DNAH14: variants seen among roughly 807,000 people sequenced by gnomAD.
DNAH14 encodes dynein axonemal heavy chain 14.
A neutral mutation model predicts 520.9 loss-of-function variants in DNAH14; 478 were observed. The observed-to-expected ratio is 0.92, with a 90% CI of 0.85 to 0.99. The LOEUF (loss-of-function observed/expected upper bound fraction) is 0.99, where lower values mean the gene tolerates loss of function less well. Ranked by LOEUF, DNAH14 falls within the 50% of genes least tolerant of loss-of-function variation. The pLI is 0.00. For synonymous variants in DNAH14, 1,581 were observed against 1,757.2 expected, an observed-to-expected ratio of 0.90 and a Z score of 2.51; for missense variants, 4,831 against 5,234.5, an observed-to-expected ratio of 0.92 and a Z score of 2.38.
At chr1:225,393,930 T>G (rs989355010) in intron 84 of DNAH14, among the ~76,000 whole-genome samples, 1 of 151,740 alleles carries the variant, frequency 6.6e-6, no homozygotes, top group Non-Finnish European at 1.5e-5. Flanking sequence ...ACCATTCTCC[T>G]GCCTCAGCCT....
rs549817886 is a variant in DNAH14 at position 224,959,522 on chromosome 1, A to G, written c.218-631A>G. Reference sequence around the variant, plus strand: ...CTTGCACTACAGAAATATTTGTTCAATGAATGAGAACAAGAAAATGTATTT... The same window carrying G: ...CTTGCACTACAGAAATATTTGTTCAGTGAATGAGAACAAGAAAATGTATTT... On this transcript the variant is annotated intron_variant, in intron 3 of 85. Coordinates refer to ENST00000682510, the MANE Select transcript of DNAH14 (RefSeq NM_001367479.1). Among the ~76,000 whole-genome samples, 67 of 152,306 alleles carry G rather than the reference A, an allele frequency of 4.4e-4. 2 individuals carry two copies. The highest frequency in any genetic ancestry group is 6.8e-3 in the Middle Eastern group (2 of 294).
At chr1:225,159,808 C>T (rs2081362850) in intron 35 of DNAH14, among the ~76,000 whole-genome samples, 1 of 152,096 alleles carries the variant, frequency 6.6e-6, no homozygotes, top group African/African-American at 2.4e-5. Context: ...CCTAGAGAAT[C>T]AAATTAGATC....
chr1:225,243,455 A>G (rs900324626), intron 43 of DNAH14, among the ~76,000 whole-genome samples: 1 of 152,000 alleles, frequency 6.6e-6, no homozygotes, highest in African/African-American at 2.4e-5. Flanking sequence ...AGAAAACCTA[A>G]TCTGTTAAGG....
At chr1:224,930,698 C>G (rs1558426285) in intron 1 of DNAH14, among the ~76,000 whole-genome samples, 1 of 152,048 alleles carries the variant, frequency 6.6e-6, no homozygotes, top group Non-Finnish European at 1.5e-5. Flanking sequence ...CCCGGGTTCA[C>G]GCCATTCTCC....
At chr1:225,090,249 CT>C (rs2074260838) in intron 21 of DNAH14, among the ~76,000 whole-genome samples, 1 of 151,988 alleles carries the variant, frequency 6.6e-6, no homozygotes, top group African/African-American at 2.4e-5. Context: ...AGAAAGAAGA[CT>C]TAAAAAATGG....
At chr1:225,161,243 G>A (rs1025506187) in intron 35 of DNAH14, among the ~76,000 whole-genome samples, 1 of 152,064 alleles carries the variant, frequency 6.6e-6, no homozygotes, top group African/African-American at 2.4e-5. Context: ...TTTATGTTTA[G>A]GTTGCACAGA....
chr1:225,095,348 G>A (rs1240138504), intron 21 of DNAH14, among the ~76,000 whole-genome samples: 2 of 152,160 alleles, frequency 1.3e-5, no homozygotes, highest in Non-Finnish European at 2.9e-5. Context: ...GTTCTTTGTA[G>A]CATCTTGGAT....
intron 1 of DNAH14, among the ~76,000 whole-genome samples, chr1:224,931,250 A>G (rs1055219631): frequency 2.6e-5 from 4 of 152,216 alleles, no homozygotes; most frequent in African/African-American, 9.6e-5. Flanking sequence ...ACAGCTGTAC[A>G]ATGTGTGTTT....
intron 10 of DNAH14, among the ~76,000 whole-genome samples, chr1:225,010,897 T>C (rs571344409): frequency 3.4e-4 from 52 of 152,310 alleles, no homozygotes; most frequent in Admixed American, 8.5e-4. Context: ...GTATTTATAG[T>C]ATTCTCTGAT....
Position 225,300,914 on chromosome 1 carries a change from A to G in DNAH14, c.8515A>G (p.Ile2839Val). 1 of 1,551,378 alleles carries G rather than the reference A, an allele frequency of 6.4e-7. No individual in the cohort carries two copies. The highest frequency in any genetic ancestry group is 8.7e-7 in the Non-Finnish European group (1 of 1,146,864). The change falls in exon 56 of 86, where the codon ATA becomes GTA. Residue 2839 changes from isoleucine to valine, a missense_variant. Ile to Val is a conservative substitution (Grantham distance 29, BLOSUM62 3). Coordinates refer to ENST00000682510, the MANE Select transcript of DNAH14 (RefSeq NM_001367479.1). Reference sequence around the variant, plus strand: ...GAACTACATCATCAGTTCAGGAAGAATACCTGACCTGTTTGAAAATGTTGA... The same window carrying G: ...GAACTACATCATCAGTTCAGGAAGAGTACCTGACCTGTTTGAAAATGTTGA... Reference protein sequence around the residue: ...DLNYIISSGRIPDLFENVELD... With the variant: ...DLNYIISSGRVPDLFENVELD...
intron 26 of DNAH14, among the ~76,000 whole-genome samples, chr1:225,121,686 CA>C (rs2077301499): frequency 6.6e-6 from 1 of 151,842 alleles, no homozygotes; most frequent in Admixed American, 6.6e-5. Flanking sequence ...ACTAAAAATA[CA>C]AAATTTAGCC....
chr1:225,129,804 C>T (rs1236730187), intron 27 of DNAH14, among the ~76,000 whole-genome samples: 2 of 152,000 alleles, frequency 1.3e-5, no homozygotes, highest in Non-Finnish European at 2.9e-5. Context: ...CAACCAAAGC[C>T]AAAATTGACA....
At chr1:225,214,296 T>G (rs2088935202) in intron 41 of DNAH14, among the ~76,000 whole-genome samples, 1 of 152,244 alleles carries the variant, frequency 6.6e-6, no homozygotes, top group Non-Finnish European at 1.5e-5. Flanking sequence ...GATGTGCTGC[T>G]GGATTCGGTT....
intron 81 of DNAH14, among the ~76,000 whole-genome samples, chr1:225,386,431 G>T (rs1305142034): frequency 1.3e-5 from 2 of 152,200 alleles, no homozygotes; most frequent in African/African-American, 2.4e-5. Context: ...ACTACCATCA[G>T]ATTGAACAGG....
chr1:225,323,751 T>C (rs1462335523), intron 62 of DNAH14, among the ~76,000 whole-genome samples: 2 of 151,854 alleles, frequency 1.3e-5, no homozygotes, highest in Non-Finnish European at 1.5e-5. Context: ...GGGAGCCACC[T>C]TGCCCAGCCA....
At chr1:225,308,654 T>G (rs2094297144) in intron 60 of DNAH14, among the ~76,000 whole-genome samples, 2 of 152,186 alleles carry the variant, frequency 1.3e-5, no homozygotes, top group Non-Finnish European at 2.9e-5. Flanking sequence ...CCTAGGAAGC[T>G]TTTCTGATTA....
Position 225,360,758 on chromosome 1 carries a change from C to A in DNAH14, c.11854C>A (p.Leu3952Met). ...AACACATCATGTGACCATAATTTCTCTGGGCCGTGACCAAGCAGCTAAAGC... is the reference window on the plus strand; with the variant it reads ...AACACATCATGTGACCATAATTTCTATGGGCCGTGACCAAGCAGCTAAAGC... Reference protein sequence around the residue: ...GTTHHVTIISLGRDQAAKAED... With the variant: ...GTTHHVTIISMGRDQAAKAED... The change falls in exon 75 of 86, where the codon CTG becomes ATG. Residue 3952 changes from leucine (L) to methionine (M), a missense_variant. Physicochemically the swap from Leu to Met is conservative, Grantham distance 15. Coordinates refer to ENST00000682510, the MANE Select transcript of DNAH14 (RefSeq NM_001367479.1). The A allele has an allele frequency of 6.4e-7, 1 of 1,551,722 alleles. No individual in the cohort carries two copies. The highest frequency in any genetic ancestry group is 8.7e-7 in the Non-Finnish European group (1 of 1,146,996).
At chr1:225,354,670 C>G (rs1254759759) in intron 73 of DNAH14, among the ~76,000 whole-genome samples, 7 of 152,080 alleles carry the variant, frequency 4.6e-5, no homozygotes, top group Admixed American at 3.9e-4. Flanking sequence ...TCTTGGTAGT[C>G]ATACTATATT....
At chr1:225,131,680 T>C (rs1404905485) in intron 27 of DNAH14, among the ~76,000 whole-genome samples, 5 of 152,206 alleles carry the variant, frequency 3.3e-5, no homozygotes, top group African/African-American at 7.2e-5. Flanking sequence ...AATATCTTTG[T>C]AGAGAGCCAT....
Sources: allele counts gnomAD v4.1 joint callset (sites outside exome capture counted in the v4.1 genomes callset), GRCh38; gene constraint gnomAD v4.1.1; transcripts MANE v1.5; gene names NCBI Gene and HGNC (gene_info 2026-07-23, HGNC 2026-07-21).